Variants in PCBP3 observed in about 807,000 individuals in gnomAD.
PCBP3 encodes the protein poly(rC)-binding protein 3.
In PCBP3, 25 loss-of-function variants were observed where a neutral mutation model predicts 52.7. The ratio of observed to expected loss-of-function variants is 0.47; its 90% CI spans 0.35 to 0.66. The LOEUF is 0.66. Among genes scored for constraint, PCBP3 ranks in the 30% least tolerant of loss-of-function variants. The pLI, the probability that PCBP3 is intolerant of heterozygous loss-of-function variation, is 0.01. For synonymous variants in PCBP3, 162 were observed against 183.0 expected, an observed-to-expected ratio of 0.89 and a Z score of 0.93; for missense variants, 391 against 490.3, an observed-to-expected ratio of 0.80 and a Z score of 1.91.
chr21:45,653,201 G>C (rs1041554255), intron 1 of PCBP3, among the ~76,000 whole-genome samples: 17 of 152,094 alleles, frequency 1.1e-4, no homozygotes, highest in African/African-American at 4.1e-4. Context: ...ATTCCTATGT[G>C]CCTGGAAATA....
At chr21:45,774,362 C>T (rs2090098918) in intron 4 of PCBP3, among the ~76,000 whole-genome samples, 1 of 151,000 alleles carries the variant, frequency 6.6e-6, no homozygotes, top group African/African-American at 2.4e-5. Context: ...TGCACTCCAG[C>T]CTGGCGACAG....
intron 5 of PCBP3, among the ~76,000 whole-genome samples, chr21:45,895,108 C>CT (rs1491194629): frequency 1.3e-5 from 2 of 152,232 alleles, no homozygotes; most frequent in Non-Finnish European, 2.9e-5. Context: ...CGTCCACCCC[C>CT]TGACACCTGT....
rs13051059 is a variant in PCBP3, at chr21:45,892,528, C to A, written c.11-3680C>A. 3.5e-3 allele frequency among the ~76,000 whole-genome samples: 500 copies of A among 141,242 alleles called. 15 individuals are homozygous for A. Among genetic ancestry groups the A allele is most frequent in the African/African-American group, 0.012 (443 of 37,744 alleles). The allele number at this position is 141,242 out of a possible 152,430, so 92.7% of individuals were successfully genotyped here. A position where few individuals can be genotyped will look rare whatever the true frequency, so the allele number is the denominator to read the frequency against. Reference sequence around the variant, plus strand: ...GTGGAGGGCGCAGTCCCGTCTCTCGCGGGGCTTCATGTACCAGACCGTGTT... The same window carrying A: ...GTGGAGGGCGCAGTCCCGTCTCTCGAGGGGCTTCATGTACCAGACCGTGTT... On this transcript the variant is annotated intron_variant, in intron 5 of 17. Coordinates refer to ENST00000681687, the MANE Select transcript of PCBP3 (RefSeq NM_001384156.1).
chr21:45,667,075 G>GTTCTTTCTTTCTTTCTTTCC (rs1555900589), intron 1 of PCBP3, among the ~76,000 whole-genome samples: 10 of 147,550 alleles, frequency 6.8e-5, no homozygotes, highest in Admixed American at 1.4e-4. Flanking sequence ...GCATCTGTTT[G>GTTCTTTCTTTCTTTCTTTCC]TTCTTTCTTT....
chr21:45,841,554 A>G (rs758549118), intron 4 of PCBP3, among the ~76,000 whole-genome samples: 3 of 152,136 alleles, frequency 2.0e-5, no homozygotes, highest in Non-Finnish European at 4.4e-5. Flanking sequence ...TTTTTAGTTC[A>G]GTTTCACATA....
At position 45,923,828 on chromosome 21, in the gene PCBP3, TGCGAACACCGGGAACA is replaced by T. The variant is rs1296438207; in HGVS notation, c.718-6087_718-6072del. On this transcript the variant is annotated intron_variant, in intron 13 of 17. Transcript: ENST00000681687. ...GTAAGATCGGGTGTGCACGAGGAGATGCGAACACCGGGAACAGTCGAGTGGGTAGAAACAGCACACG... is the reference window on the plus strand; with the variant it reads ...GTAAGATCGGGTGTGCACGAGGAGATGTCGAGTGGGTAGAAACAGCACACG... Among the ~76,000 whole-genome samples, 583 of 148,174 alleles carry T rather than the reference TGCGAACACCGGGAACA, an allele frequency of 3.9e-3. 198 individuals carry two copies. Among genetic ancestry groups the T allele is most frequent in the Admixed American group, 4.9e-3 (73 of 14,780 alleles).
chr21:45,864,741 A>G (rs993272071), intron 5 of PCBP3, among the ~76,000 whole-genome samples: 1 of 152,214 alleles, frequency 6.6e-6, no homozygotes, highest in Non-Finnish European at 1.5e-5. Context: ...AATGTGTCCT[A>G]TCAGTTTTTC....
intron 13 of PCBP3, among the ~76,000 whole-genome samples, chr21:45,927,473 C>T (rs868319564): frequency 6.7e-6 from 1 of 148,880 alleles, no homozygotes; most frequent in South Asian, 2.2e-4. Flanking sequence ...TGGAAGGCCC[C>T]TTGGCACTTA....
chr21:45,758,155 G>A (rs918582304), intron 4 of PCBP3, among the ~76,000 whole-genome samples: 1 of 152,210 alleles, frequency 6.6e-6, no homozygotes, highest in Non-Finnish European at 1.5e-5. Context: ...TCCCAAAGTG[G>A]CGTGAGCCAC....
intron 3 of PCBP3, among the ~76,000 whole-genome samples, chr21:45,748,477 G>A (rs1005845562): frequency 6.6e-6 from 1 of 152,250 alleles, no homozygotes; most frequent in Non-Finnish European, 1.5e-5. Flanking sequence ...TTTGCTCCAA[G>A]TGCTCTGGCC....
At chr21:45,909,252 CTG>C (rs1460808009) in intron 9 of PCBP3, 101 bp from the exon 10 acceptor site, 1 of 1,256,884 alleles carries the variant, frequency 8.0e-7, no homozygotes, top group African/African-American at 1.5e-5. Flanking sequence ...GACAGGGGCT[CTG>C]TGGGCTTCTG....
intron 2 of PCBP3, among the ~76,000 whole-genome samples, chr21:45,685,766 A>AAG: frequency 6.6e-6 from 1 of 152,292 alleles, no homozygotes; most frequent in South Asian, 2.1e-4. Flanking sequence ...AAAGACTCTG[A>AAG]AGAGAAGTAA....
rs374275789 is a variant in PCBP3 at position 45,762,491 on chromosome 21, C to CT, written c.-126+7055dup. On this transcript the variant is annotated intron_variant, in intron 4 of 17. Coordinates refer to ENST00000681687, the MANE Select transcript of PCBP3 (RefSeq NM_001384156.1). Reference sequence around the variant, plus strand: ...TCACCTTTTTCTTTTCTTTTCTTCTCTTTTTTTTTTTTTTTTGAGACAGAG... The same window carrying CT: ...TCACCTTTTTCTTTTCTTTTCTTCTCTTTTTTTTTTTTTTTTTGAGACAGAG... 870 of 104,694 alleles carry CT rather than the reference C, an allele frequency of 8.3e-3. 42 individuals carry two copies. The highest frequency in any genetic ancestry group is 0.02 in the African/African-American group (593 of 29,786). 6.5% of individuals were successfully genotyped at this position (104,694 alleles called of 1,614,324 possible).
intron 2 of PCBP3, among the ~76,000 whole-genome samples, chr21:45,729,311 A>G (rs936842087): frequency 2.0e-5 from 3 of 152,160 alleles, no homozygotes; most frequent in African/African-American, 7.2e-5. Context: ...TCATTTGCTG[A>G]TGGACATTTG....
intron 2 of PCBP3, among the ~76,000 whole-genome samples, chr21:45,700,518 G>A (rs1397841749): frequency 1.3e-5 from 2 of 152,040 alleles, no homozygotes; most frequent in African/African-American, 4.8e-5. Flanking sequence ...TGTGATCTTG[G>A]GCCTGTGTCC....
At chr21:45,806,971 G>A (rs2092525929) in intron 4 of PCBP3, among the ~76,000 whole-genome samples, 2 of 152,148 alleles carry the variant, frequency 1.3e-5, no homozygotes, top group Admixed American at 1.3e-4. Flanking sequence ...AAACCCTTGT[G>A]GCTTTTCATT....
At chr21:45,923,587 G>T (rs770538319) in intron 13 of PCBP3, among the ~76,000 whole-genome samples, 11 of 152,264 alleles carry the variant, frequency 7.2e-5, no homozygotes, top group Middle Eastern at 3.4e-3. Context: ...TCACTGGCCC[G>T]TGGAGGTCTG....
Position 45,751,520 on chromosome 21 carries a change from T to G in PCBP3, c.-161-3897T>G, listed in dbSNP as rs150920884. On this transcript the variant is annotated intron_variant, in intron 3 of 17. Transcript: ENST00000681687. ...GAGTGATCGTCCTCATTCTTCCTTT[T>G]GCTTCCTCTGCTGCCCAGTGCTGCG... 9.0e-3 allele frequency: 1,368 copies of G among 152,524 alleles called. 27 individuals are homozygous for G. Among genetic ancestry groups the G allele is most frequent in the Admixed American group, 0.029 (436 of 15,296 alleles). The allele number at this position is 152,524 out of a possible 1,614,324, so 9.4% of individuals were successfully genotyped here. A position where few individuals can be genotyped will look rare whatever the true frequency, so the allele number is the denominator to read the frequency against.
intron 1 of PCBP3, among the ~76,000 whole-genome samples, chr21:45,658,400 G>GC (rs2080162561): frequency 6.6e-6 from 1 of 152,050 alleles, no homozygotes; most frequent in African/African-American, 2.4e-5. Context: ...GCCTCCTGGA[G>GC]TCAAGCGACT....
Sources: allele counts gnomAD v4.1 joint callset (sites outside exome capture counted in the v4.1 genomes callset), GRCh38; gene constraint gnomAD v4.1.1; transcripts MANE v1.5; gene names NCBI Gene and HGNC (gene_info 2026-07-23, HGNC 2026-07-21).